The following NAV3 variants were observed in gnomAD, a reference collection of about 807,000 sequenced individuals.
NAV3 encodes neuron navigator 3, also known as pore membrane and/or filament interacting like protein 1.
A neutral mutation model predicts 244.7 loss-of-function variants in NAV3; 87 were observed. That is an observed-to-expected ratio of 0.36 (90% CI 0.30 to 0.42). The LOEUF (loss-of-function observed/expected upper bound fraction) is 0.42. NAV3 is among the 20% of genes least tolerant of loss of function. The probability of loss-of-function intolerance (pLI) is 1.00; values close to 1 mark genes in which losing one functional copy is unlikely to be tolerated. For synonymous variants in NAV3, 1,126 were observed against 1,042.2 expected (o/e 1.08, Z -1.55); for missense variants, 2,663 against 2,893.3 (o/e 0.92, Z 1.83).
intron 1 of NAV3, among the ~76,000 whole-genome samples, chr12:77,921,061 G>T (rs753856362): frequency 3.3e-5 from 5 of 151,942 alleles, no homozygotes; most frequent in Non-Finnish European, 7.4e-5. Flanking sequence ...AGGCTCATCT[G>T]CCAGTAGAGA....
At chr12:77,966,172 TG>T in intron 3 of NAV3, 56 bp from the exon 4 acceptor site, 2 of 1,395,152 alleles carry the variant, frequency 1.4e-6, no homozygotes, top group Non-Finnish European at 2.0e-6. Flanking sequence ...TTTTGGCACA[TG>T]TATTTGTTAA....
intron 2 of NAV3, among the ~76,000 whole-genome samples, chr12:77,705,682 G>A (rs931555138): frequency 1.1e-4 from 17 of 151,218 alleles, no homozygotes; most frequent in South Asian, 2.1e-4. Flanking sequence ...TTGTTCCCCC[G>A]GGGGTCAAAG....
At chr12:77,801,212 G>A (rs1055479809) in intron 2 of NAV3, among the ~76,000 whole-genome samples, 1 of 152,102 alleles carries the variant, frequency 6.6e-6, no homozygotes, top group Non-Finnish European at 1.5e-5. Flanking sequence ...GGCAGAGTGG[G>A]TATCTCATAG....
chr12:77,873,107 A>T (rs1881232283), intron 1 of NAV3, among the ~76,000 whole-genome samples: 1 of 152,090 alleles, frequency 6.6e-6, no homozygotes, highest in South Asian at 2.1e-4. Flanking sequence ...CCACCATTAT[A>T]TTTCTTTATT....
At chr12:78,153,956 T>C (rs1957174537) in intron 22 of NAV3, among the ~76,000 whole-genome samples, 1 of 150,678 alleles carries the variant, frequency 6.6e-6, no homozygotes, top group African/African-American at 2.4e-5. Context: ...TCATTCTTGG[T>C]TCAACTAACT....
chr12:78,050,294 T>A (rs1882544576), intron 10 of NAV3, among the ~76,000 whole-genome samples, 193 bp downstream of exon 10: 2 of 152,344 alleles, frequency 1.3e-5, no homozygotes, highest in African/African-American at 4.8e-5. Flanking sequence ...ATCTTTTATC[T>A]CTATCTCTAT....
At chr12:77,986,925 C>G (rs958149420) in intron 5 of NAV3, among the ~76,000 whole-genome samples, 12 of 151,976 alleles carry the variant, frequency 7.9e-5, no homozygotes, top group African/African-American at 2.2e-4. Context: ...GTGGGAGTGG[C>G]TAATTATAAA....
chr12:77,606,812 C>G (rs146996538), intron 2 of NAV3, among the ~76,000 whole-genome samples: 1 of 152,046 alleles, frequency 6.6e-6, no homozygotes, highest in Admixed American at 6.6e-5. Context: ...GGCTGTAATC[C>G]GTTAGAGCAA....
intron 2 of NAV3, among the ~76,000 whole-genome samples, chr12:77,813,194 C>G (rs565508468): frequency 6.6e-6 from 1 of 152,186 alleles, no homozygotes; most frequent in Non-Finnish European, 1.5e-5. Flanking sequence ...AGTTTACATA[C>G]AAGCAAGGAA....
chr12:77,646,844 C>A (rs1302584297), intron 2 of NAV3, among the ~76,000 whole-genome samples: 2 of 151,974 alleles, frequency 1.3e-5, no homozygotes, highest in Non-Finnish European at 2.9e-5. Context: ...ATGTAAATGG[C>A]AAAATCATTT....
intron 9 of NAV3, among the ~76,000 whole-genome samples, chr12:78,043,340 A>G (rs907732196): frequency 6.6e-6 from 1 of 152,130 alleles, no homozygotes; most frequent in African/African-American, 2.4e-5. Flanking sequence ...ATTGATGGGC[A>G]TTTGGGTTGG....
intron 3 of NAV3, among the ~76,000 whole-genome samples, chr12:77,960,355 C>G (rs1291080888): frequency 6.6e-6 from 1 of 151,608 alleles, no homozygotes; most frequent in Non-Finnish European, 1.5e-5. Context: ...TTATAGATCA[C>G]CTAAGTCATA....
chr12:77,836,795 A>C (rs1390016443), intron 1 of NAV3, among the ~76,000 whole-genome samples: 2 of 152,182 alleles, frequency 1.3e-5, no homozygotes, highest in African/African-American at 2.4e-5. Flanking sequence ...GGATGCTATA[A>C]GGGAGGAGAG....
chr12:77,579,866 A>G (rs1336402929), intron 2 of NAV3, among the ~76,000 whole-genome samples: 1 of 152,154 alleles, frequency 6.6e-6, no homozygotes, highest in Non-Finnish European at 1.5e-5. Context: ...TTGTCAAATT[A>G]CTCAACTTCT....
chr12:77,611,401 G>C (rs1592502446), intron 2 of NAV3, among the ~76,000 whole-genome samples: 1 of 151,776 alleles, frequency 6.6e-6, no homozygotes, highest in Non-Finnish European at 1.5e-5. Context: ...AGTTTGGTGA[G>C]GACAGGCGAA....
intron 2 of NAV3, among the ~76,000 whole-genome samples, chr12:77,755,509 G>GTGCCT (rs796797077): frequency 0.19 from 12,430 of 64,678 alleles, 2,874 homozygotes; most frequent in African/African-American, 0.3. Flanking sequence ...CTCCCTCCCT[G>GTGCCT]TGCCTTTCCT....
chr12:78,137,083 A>T (rs575684695), intron 18 of NAV3, 94 bp from the exon 19 acceptor site: 137 of 1,167,554 alleles, frequency 1.2e-4, no homozygotes, highest in Non-Finnish European at 1.5e-4. Flanking sequence ...TCATGTTTTC[A>T]TAAGTATTGG....
rs1555202961 is a variant in NAV3 at position 77,766,735 on chromosome 12, G to GTTTGTTTTTTTTTTTTTTTTTTTTTT, written c.73-173581_73-173580insGTTTTTTTTTTTTTTTTTTTTTTTTT. Reference sequence around the variant, plus strand: ...AGGATTCTAAAAAACAGGCAATTAAGTTTTTTTTTTTTTTTTTTTTTTTTT... The same window carrying GTTTGTTTTTTTTTTTTTTTTTTTTTT: ...AGGATTCTAAAAAACAGGCAATTAAGTTTGTTTTTTTTTTTTTTTTTTTTTTTTTTTTTTTTTTTTTTTTTTTTTTT... On this transcript the variant is annotated intron_variant, in intron 2 of 8. Transcript: ENST00000550042. Among the ~76,000 whole-genome samples the GTTTGTTTTTTTTTTTTTTTTTTTTTT allele has an allele frequency of 4.1e-4, 25 of 60,514 alleles. 10 individuals are homozygous for GTTTGTTTTTTTTTTTTTTTTTTTTTT. The highest frequency in any genetic ancestry group is 1.7e-3 in the Admixed American group (7 of 4,124). The allele number at this position is 60,514 out of a possible 152,430, so 39.7% of individuals were successfully genotyped here.
In NAV3 at chr12:77,822,260, G is replaced by A. The variant is rs545867317; in HGVS notation, c.73-118059G>A. 3.3e-5 allele frequency among the ~76,000 whole-genome samples: 5 copies of A among 152,222 alleles called. No individual in the cohort carries two copies. In the East Asian group the frequency reaches 5.8e-4, roughly 18 times the overall value. On this transcript the variant is annotated intron_variant, in intron 2 of 8. Coordinates refer to the NAV3 transcript ENST00000550042. ...TTCCACCTCTCCTGAGAAGTTCCTC[G>A]TTTTAGGTGGACATTGTGTGCATTC...
Sources: allele counts gnomAD v4.1 joint callset (sites outside exome capture counted in the v4.1 genomes callset), GRCh38; gene constraint gnomAD v4.1.1; transcripts MANE v1.5; gene names NCBI Gene and HGNC (gene_info 2026-07-23, HGNC 2026-07-21).